Variants in AMPH observed in about 807,000 individuals in gnomAD.
AMPH encodes amphiphysin (Stiff-Mann syndrome with breast cancer 128kD autoantigen).
Under a neutral mutation model 99.1 loss-of-function variants are expected in AMPH, and 49 were observed. The observed-to-expected ratio is 0.49, with a 90% confidence interval of 0.39 to 0.63. The LOEUF (loss-of-function observed/expected upper bound fraction) is 0.63. Among genes scored for constraint, AMPH ranks in the 20% least tolerant of loss-of-function variants. AMPH has a pLI of 0.00. For missense variants in AMPH, 759 were observed against 863.4 expected, an observed-to-expected ratio of 0.88 and a Z score of 1.52; for synonymous variants, 314 against 317.3, an observed-to-expected ratio of 0.99 and a Z score of 0.11.
At chr7:38,562,410 G>A (rs1357034981) in intron 1 of AMPH, among the ~76,000 whole-genome samples, 6 of 152,112 alleles carry the variant, frequency 3.9e-5, no homozygotes, top group African/African-American at 7.2e-5. Context: ...GGGTGATGTC[G>A]TTTATAATAC....
chr7:38,420,434 A>G (rs1785540651), intron 16 of AMPH, among the ~76,000 whole-genome samples: 1 of 152,134 alleles, frequency 6.6e-6, no homozygotes, highest in South Asian at 2.1e-4. Flanking sequence ...CCCATGCCAC[A>G]CCTATTTTGG....
intron 1 of AMPH, among the ~76,000 whole-genome samples, chr7:38,566,632 T>G (rs537926474): frequency 1.3e-5 from 2 of 152,036 alleles, no homozygotes; most frequent in Non-Finnish European, 2.9e-5. Context: ...GCGAGAAAAT[T>G]TTTGCGATCT....
At chr7:38,607,633 C>T (rs1483451163) in intron 1 of AMPH, among the ~76,000 whole-genome samples, 1 of 152,102 alleles carries the variant, frequency 6.6e-6, no homozygotes, top group Non-Finnish European at 1.5e-5. Context: ...GTTTCTACTA[C>T]TGGAAAATGG....
intron 20 of AMPH, among the ~76,000 whole-genome samples, chr7:38,389,558 A>G (rs1784432559): frequency 6.6e-6 from 1 of 152,186 alleles, no homozygotes; most frequent in African/African-American, 2.4e-5. Flanking sequence ...TAACATTCCC[A>G]GAAAGTGGTT....
intron 3 of AMPH, among the ~76,000 whole-genome samples, chr7:38,502,853 T>C (rs1182069342): frequency 6.6e-6 from 1 of 152,192 alleles, no homozygotes; most frequent in Non-Finnish European, 1.5e-5. Context: ...ATATCTGGAA[T>C]TAGGAAGGAG....
chr7:38,538,969 A>C (rs1221379792), intron 1 of AMPH, among the ~76,000 whole-genome samples: 1 of 152,202 alleles, frequency 6.6e-6, no homozygotes, highest in Non-Finnish European at 1.5e-5. Context: ...AAATCACCAG[A>C]GTATGGTGGT....
intron 2 of AMPH, among the ~76,000 whole-genome samples, chr7:38,507,006 T>C (rs1221493668): frequency 6.6e-6 from 1 of 152,178 alleles, no homozygotes; most frequent in Non-Finnish European, 1.5e-5. Context: ...GTCACCAGGA[T>C]TGCTCAGAAT....
intron 2 of AMPH, among the ~76,000 whole-genome samples, chr7:38,521,581 G>T (rs943621275): frequency 1.3e-5 from 2 of 151,900 alleles, no homozygotes; most frequent in Non-Finnish European, 2.9e-5. Context: ...AATGAAAAAA[G>T]GTAGAGAGAT....
intron 11 of AMPH, among the ~76,000 whole-genome samples, chr7:38,456,488 C>A (rs1224087893): frequency 6.6e-6 from 1 of 152,228 alleles, no homozygotes; most frequent in Non-Finnish European, 1.5e-5. Flanking sequence ...CCCAGTCTAC[C>A]ACTGTTGGCA....
chr7:38,600,798 T>C (rs1274140117), intron 1 of AMPH, among the ~76,000 whole-genome samples: 1 of 152,228 alleles, frequency 6.6e-6, no homozygotes, highest in East Asian at 1.9e-4. Flanking sequence ...TCTGCATTCA[T>C]GAGTTAGCTT....
At chr7:38,593,459 G>T (rs113381662) in intron 1 of AMPH, among the ~76,000 whole-genome samples, 3 of 152,216 alleles carry the variant, frequency 2.0e-5, no homozygotes, top group Non-Finnish European at 4.4e-5. Context: ...AACAAGCAGC[G>T]TTCCTGAGTG....
chr7:38,477,331 T>C (rs769855163), intron 5 of AMPH, among the ~76,000 whole-genome samples: 6 of 152,282 alleles, frequency 3.9e-5, no homozygotes, highest in Non-Finnish European at 8.8e-5. Flanking sequence ...ATTCTGAAGA[T>C]AGTGGGAAAC....
chr7:38,397,339 A>AT (rs1204803055), intron 17 of AMPH, among the ~76,000 whole-genome samples: 2 of 152,208 alleles, frequency 1.3e-5, no homozygotes, highest in African/African-American at 4.8e-5. Context: ...AACTTGTTCC[A>AT]TACGAACATA....
At chr7:38,390,409 A>G (rs1784454877) in intron 19 of AMPH, among the ~76,000 whole-genome samples, 1 of 152,070 alleles carries the variant, frequency 6.6e-6, no homozygotes, top group African/African-American at 2.4e-5. Context: ...TTCCTTTCCC[A>G]TTTTGAAAAA....
chr7:38,563,270 T>A (rs1266757807), intron 1 of AMPH, among the ~76,000 whole-genome samples: 2 of 152,184 alleles, frequency 1.3e-5, no homozygotes, highest in African/African-American at 4.8e-5. Context: ...GAGAAGACTC[T>A]CTAAACCAAT....
intron 17 of AMPH, among the ~76,000 whole-genome samples, chr7:38,413,930 C>T (rs909190341): frequency 6.6e-6 from 1 of 152,154 alleles, no homozygotes; most frequent in South Asian, 2.1e-4. Context: ...TGCTGTTTCC[C>T]GTGAACATGA....
chr7:38,456,659 G>A (rs967145816), intron 11 of AMPH, among the ~76,000 whole-genome samples: 1 of 152,066 alleles, frequency 6.6e-6, no homozygotes, highest in Non-Finnish European at 1.5e-5. Context: ...GGTTCCCGTG[G>A]GTTACTCCAC....
chr7:38,615,448 T>C (rs191713684), intron 1 of AMPH, among the ~76,000 whole-genome samples: 1 of 152,274 alleles, frequency 6.6e-6, no homozygotes, highest in Admixed American at 6.5e-5. Flanking sequence ...AGAGCCCTCT[T>C]TCCCAAAGTG....
chr7:38,581,275 T>C (rs1395450045), intron 1 of AMPH, among the ~76,000 whole-genome samples: 1 of 150,782 alleles, frequency 6.6e-6, no homozygotes, highest in African/African-American at 2.4e-5. Context: ...GGAATTGCAA[T>C]CTTAAAATGG....
Sources: gnomAD v4.1 joint callset for allele counts (sites outside exome capture counted in the v4.1 genomes callset) on GRCh38, gnomAD v4.1.1 for gene constraint, MANE v1.5 for transcripts, NCBI Gene and HGNC (gene_info 2026-07-23, HGNC 2026-07-21) for gene names.